ZNF705A: variants seen among roughly 807,000 people sequenced by gnomAD.
ZNF705A encodes zinc finger protein 705A.
Under a neutral mutation model 16.6 loss-of-function variants are expected in ZNF705A, and 8 were observed. The observed-to-expected ratio is 0.48, with a 90% CI of 0.28 to 0.87. The LOEUF (loss-of-function observed/expected upper bound fraction) is 0.87. ZNF705A is among the 40% of genes least tolerant of loss of function. The pLI, the probability that ZNF705A is intolerant of heterozygous loss-of-function variation, is 0.10. For synonymous variants in ZNF705A, 73 were observed against 117.3 expected (o/e 0.62, Z 2.44); for missense variants, 233 against 359.9 (o/e 0.65, Z 2.85).
At chr12:8,175,361 G>A in intron 3 of ZNF705A, 38 bp downstream of exon 4, 4 of 1,354,942 alleles carry the variant, frequency 3.0e-6, no homozygotes, top group East Asian at 2.3e-5. Context: ...AGGAGGAGGT[G>A]CTTTGTCAAT....
chr12:8,177,387 C>G (rs1304444898), exon 5 of ZNF705A: 11 of 1,611,872 alleles, frequency 6.8e-6, no homozygotes, highest in Middle Eastern at 2.2e-4. Flanking sequence ...TGTGGGAAAG[C>G]CTTTATTCAA....
intron 1 of ZNF705A, among the ~76,000 whole-genome samples, chr12:8,164,234 A>G: frequency 6.6e-6 from 1 of 152,110 alleles, no homozygotes; most frequent in Non-Finnish European, 1.5e-5. Flanking sequence ...AACCACATCT[A>G]CCCATTTCCC....
chr12:8,169,257 A>T (rs1222612725), upstream of ZNF705A, among the ~76,000 whole-genome samples: 1 of 152,172 alleles, frequency 6.6e-6, no homozygotes, highest in East Asian at 1.9e-4. Flanking sequence ...TCACACATAA[A>T]ACCTTAGAAT....
upstream of ZNF705A, among the ~76,000 whole-genome samples, chr12:8,170,196 C>CAAAAAAAAAAAAAAAAAAAAAAAAAA (rs1188328005): frequency 1.6e-4 from 20 of 126,534 alleles, no homozygotes; most frequent in African/African-American, 6.6e-4. Flanking sequence ...CCCCCCCCCC[C>CAAAAAAAAAAAAAAAAAAAAAAAAAA]AAAAAAAAAA....
chr12:8,163,567 A>C (rs752060250), intron 1 of ZNF705A, among the ~76,000 whole-genome samples: 98 of 152,308 alleles, frequency 6.4e-4, no homozygotes, highest in African/African-American at 2.3e-3. Flanking sequence ...CATATGGCAT[A>C]AACATTTTTC....
At chr12:8,177,200 T>A (rs778960963) in exon 5 of ZNF705A, 2 of 1,611,964 alleles carry the variant, frequency 1.2e-6, no homozygotes, top group Non-Finnish European at 1.7e-6. Flanking sequence ...ATCATATCAA[T>A]GTAATCTATG....
At chr12:8,159,597 T>G (rs1290433529) in intron 1 of ZNF705A, among the ~76,000 whole-genome samples, 1 of 152,090 alleles carries the variant, frequency 6.6e-6, no homozygotes, top group Non-Finnish European at 1.5e-5. Flanking sequence ...TTGTTGGCCA[T>G]TTGTATATCT....
chr12:8,162,000 G>T (rs998418910), intron 1 of ZNF705A, among the ~76,000 whole-genome samples: 1 of 152,114 alleles, frequency 6.6e-6, no homozygotes, highest in East Asian at 1.9e-4. Flanking sequence ...ACTGAATCAA[G>T]AATTTTAAAA....
At chr12:8,160,855 G>T (rs549615734) in intron 1 of ZNF705A, among the ~76,000 whole-genome samples, 132 of 152,152 alleles carry the variant, frequency 8.7e-4, no homozygotes, top group Middle Eastern at 6.8e-3. Context: ...AGGACTTCCA[G>T]TACCATGTTG....
chr12:8,160,725 G>A (rs895130557), intron 1 of ZNF705A, among the ~76,000 whole-genome samples: 1 of 152,182 alleles, frequency 6.6e-6, no homozygotes, highest in Admixed American at 6.5e-5. Context: ...GGAGCTTTCT[G>A]GAGGAATCGT....
upstream of ZNF705A, among the ~76,000 whole-genome samples, chr12:8,170,458 GTCCTTTA>G: frequency 1.3e-5 from 2 of 152,126 alleles, no homozygotes; most frequent in East Asian, 3.8e-4. Flanking sequence ...CCACACAAGA[GTCCTTTA>G]TGAAATAAGT....
At chr12:8,166,567 C>T (rs1374065578) in intron 1 of ZNF705A, among the ~76,000 whole-genome samples, 1 of 152,214 alleles carries the variant, frequency 6.6e-6, no homozygotes, top group Non-Finnish European at 1.5e-5. Context: ...TTCTGCCTCC[C>T]CCCAACCATG....
chr12:8,170,736 A>G (rs1255933676), upstream of ZNF705A, among the ~76,000 whole-genome samples: 2 of 152,204 alleles, frequency 1.3e-5, no homozygotes, highest in South Asian at 4.1e-4. Flanking sequence ...ATTATAGACT[A>G]CATAATACAT....
chr12:8,172,834 C>T (rs1325213256), intron 1 of ZNF705A, among the ~76,000 whole-genome samples, 197 bp downstream of exon 2: 10 of 152,174 alleles, frequency 6.6e-5, no homozygotes, highest in Non-Finnish European at 1.0e-4. Context: ...TAAGTTTTCT[C>T]AGGACTCTAG....
At chr12:8,161,369 A>G (rs1948353512) in intron 1 of ZNF705A, among the ~76,000 whole-genome samples, 1 of 152,244 alleles carries the variant, frequency 6.6e-6, no homozygotes, top group Middle Eastern at 3.4e-3. Flanking sequence ...AATAGTGTCA[A>G]AAGGATTGGT....
intron 1 of ZNF705A, 47 bp downstream of exon 1, chr12:8,157,139 A>G (rs961831718): frequency 7.6e-6 from 3 of 397,168 alleles, no homozygotes; most frequent in Non-Finnish European, 8.9e-6. Context: ...TAATGTCCAC[A>G]TTCCTATTCA....
exon 5 of ZNF705A, chr12:8,177,303 C>G (rs745825284): frequency 4.3e-6 from 7 of 1,611,832 alleles, no homozygotes; most frequent in East Asian, 2.2e-5. Context: ...TGTGGAAAAG[C>G]CTTCACTCAG....
chr12:8,179,186 C>G (rs1234638524), exon 5 of ZNF705A: 1 of 152,142 alleles, frequency 6.6e-6, no homozygotes, highest in Admixed American at 6.5e-5. Flanking sequence ...TCCCTGGAGC[C>G]TCTCTAACTG....
In ZNF705A at chr12:8,174,074, AT is replaced by A. The variant is rs778593925; in HGVS notation, c.13-251del. Among the ~76,000 whole-genome samples, 18 of 152,296 alleles carry A rather than the reference AT, an allele frequency of 1.2e-4. No homozygotes were observed. The East Asian group carries it at 2.9e-3, about 24-fold the overall frequency. The stretch of plus-strand genomic sequence containing the variant: ...GAGGTGATTAACACATTACTGAAAA[AT>A]ATCTGGGTTATATTATGCCACACCT... On this transcript the variant is annotated intron_variant, in intron 1 of 4. Coordinates refer to ENST00000359286, the Ensembl canonical transcript of ZNF705A.
Sources: gnomAD v4.1 joint callset for allele counts (sites outside exome capture counted in the v4.1 genomes callset) on GRCh38, gnomAD v4.1.1 for gene constraint, MANE v1.5 for transcripts, NCBI Gene and HGNC (gene_info 2026-07-23, HGNC 2026-07-21) for gene names.